Variants in SLC6A12 observed in about 807,000 individuals in gnomAD.
The protein encoded by SLC6A12 is solute carrier family 6 member 12.
SLC6A12 carries 50 observed loss-of-function variants against 73.3 expected under a neutral mutation model. That is an observed-to-expected ratio of 0.68 (90% CI 0.54 to 0.86). The LOEUF is 0.86. SLC6A12 is among the 40% of genes least tolerant of loss of function. SLC6A12 has a pLI of 0.00. For synonymous variants in SLC6A12, 304 were observed against 309.2 expected (o/e 0.98, Z 0.18); for missense variants, 648 against 772.8 (o/e 0.84, Z 1.92).
chr12:195,344 G>C lies in SLC6A12; in HGVS notation c.1327-17C>G. ...CATCCCGCCCTGTGGGGAGAGCGTGGAGCTGGGGCATGGCCAGTGCAGAGC... is the reference window on the plus strand; with the variant it reads ...CATCCCGCCCTGTGGGGAGAGCGTGCAGCTGGGGCATGGCCAGTGCAGAGC... On this transcript the variant is annotated splice_polypyrimidine_tract_variant and intron_variant, in intron 12 of 15. Transcript: ENST00000684302. 6.5e-7 allele frequency: 1 copy of C among 1,535,496 alleles called. No individual in the cohort carries two copies. The highest frequency in any genetic ancestry group is 9.0e-7 in the Non-Finnish European group (1 of 1,108,268).
chr12:195,079 C>T, intron 13 of SLC6A12, 146 bp downstream of exon 13: 1 of 658,740 alleles, frequency 1.5e-6, no homozygotes, highest in Non-Finnish European at 2.8e-6. Context: ...GGGTAAATTT[C>T]CCAGTAAGAA....
intron 5 of SLC6A12, among the ~76,000 whole-genome samples, chr12:202,356 C>A (rs1459845876): frequency 6.6e-6 from 1 of 152,178 alleles, no homozygotes; most frequent in East Asian, 1.9e-4. Context: ...TTTGTCTGTT[C>A]TTACCACCAG....
chr12:192,403 G>T, intron 15 of SLC6A12, 75 bp downstream of exon 15: 1 of 1,351,008 alleles, frequency 7.4e-7, no homozygotes, highest in Non-Finnish European at 1.0e-6. Flanking sequence ...CCTGGCCCCA[G>T]TTGTGTGTCC....
At chr12:197,294 G>T in intron 10 of SLC6A12, 83 bp downstream of exon 10, 1 of 1,452,066 alleles carries the variant, frequency 6.9e-7, no homozygotes. Flanking sequence ...CCCATCTTCT[G>T]GGACTCATGC....
chr12:201,634 G>A, intron 6 of SLC6A12, 128 bp downstream of exon 6: 1 of 717,484 alleles, frequency 1.4e-6, no homozygotes, highest in Non-Finnish European at 2.5e-6. Flanking sequence ...TGGGGTTGGA[G>A]TGGGGCGGGG....
At chr12:196,074 G>A (rs1319184238) in intron 12 of SLC6A12, 50 bp downstream of exon 12, 18 of 1,530,432 alleles carry the variant, frequency 1.2e-5, no homozygotes, top group African/African-American at 4.1e-5. Context: ...AGTGTCCCCC[G>A]TGGCTCCCTC....
Position 195,307 on chromosome 12 carries a change from C to T in SLC6A12, c.1347G>A (p.Gln449=). The change falls in exon 13 of 16, where the codon CAG becomes CAA. Residue 449 remains glutamine (Q), a synonymous_variant. Coordinates refer to ENST00000684302, the MANE Select transcript of SLC6A12 (RefSeq NM_001122848.3). ...LVTEGGMYIF[Q]LFDYYASSGI... ...CACTGGAAGCATAGTAGTCAAACAG[C>T]TGGAAGATGTACATCCCGCCCTGTG... 1.2e-6 allele frequency: 2 copies of T among 1,612,618 alleles called. No homozygotes were observed. Among genetic ancestry groups the T allele is most frequent in the Non-Finnish European group, 8.5e-7 (1 of 1,178,544 alleles).
At chr12:210,323 T>C (rs1300902650) in intron 2 of SLC6A12, 1 of 1,195,754 alleles carries the variant, frequency 8.4e-7, no homozygotes, top group South Asian at 1.7e-5. Context: ...TTCATTTTCA[T>C]GTCCCTTTTT....
intron 14 of SLC6A12, among the ~76,000 whole-genome samples, chr12:192,875 T>C (rs1446226196): frequency 7.0e-6 from 1 of 142,036 alleles, no homozygotes; most frequent in Admixed American, 7.2e-5. Flanking sequence ...ATCATTCACA[T>C]CACAGACGGA....
At chr12:206,529 A>G (rs1222481798) in intron 3 of SLC6A12, among the ~76,000 whole-genome samples, 1 of 152,218 alleles carries the variant, frequency 6.6e-6, no homozygotes, top group African/African-American at 2.4e-5. Flanking sequence ...CATTTTTTAA[A>G]TACGCATTTC....
At position 190,961 on chromosome 12, in the gene SLC6A12, CCAG is replaced by C; in HGVS notation, c.*104_*106del. 2 of 1,025,136 alleles carry C rather than the reference CCAG, an allele frequency of 2.0e-6. No homozygotes were observed. The highest frequency in any genetic ancestry group is 2.5e-6 in the Non-Finnish European group (2 of 793,668). 63.5% of individuals were successfully genotyped at this position (1,025,136 alleles called of 1,614,324 possible). A position where few individuals can be genotyped will look rare whatever the true frequency, so the allele number is the denominator to read the frequency against. On this transcript the variant is annotated 3_prime_UTR_variant, in exon 16 of 16. Transcript: ENST00000684302. Reference sequence around the variant, plus strand: ...GGTGCCTGTGGCTCTCCAGAGGTTCCCAGCAGGATTGTGGCAGGAGACAGAGGC... The same window carrying C: ...GGTGCCTGTGGCTCTCCAGAGGTTCCCAGGATTGTGGCAGGAGACAGAGGC...
downstream of SLC6A12, among the ~76,000 whole-genome samples, chr12:189,746 G>C (rs954224989): frequency 1.2e-4 from 18 of 152,180 alleles, 1 homozygote; most frequent in Admixed American, 9.2e-4. Context: ...CACAGAAGAG[G>C]CATGTGGGAC....
rs545840857 is a variant in SLC6A12 at position 200,291 on chromosome 12, G to T, written c.711+360C>A. 7.3e-4 allele frequency among the ~76,000 whole-genome samples: 111 copies of T among 151,052 alleles called. 1 individual carries two copies. Among genetic ancestry groups the T allele is most frequent in the Non-Finnish European group, 4.0e-4 (27 of 67,878 alleles). On this transcript the variant is annotated intron_variant, in intron 7 of 15. Transcript: ENST00000684302. ...GCCCGGCTAATTTTTTGTATTTTTA[G>T]TAGAGACGGGGTTTTACCGTGTTAG...
chr12:204,295 G>T, intron 4 of SLC6A12: 1 of 439,430 alleles, frequency 2.3e-6, no homozygotes, highest in East Asian at 4.0e-5. Flanking sequence ...CCCCTGCAGG[G>T]GTCCCATGGT....
intron 13 of SLC6A12, among the ~76,000 whole-genome samples, chr12:194,605 G>T (rs1939775617): frequency 6.6e-6 from 1 of 152,244 alleles, no homozygotes; most frequent in East Asian, 1.9e-4. Flanking sequence ...TCATGCATTG[G>T]CTCAGTGAAT....
chr12:197,142 C>CATCTATCCATCT lies in SLC6A12; in HGVS notation c.1075+234_1075+235insAGATGGATAGAT, dbSNP rs796565789. 7.6e-4 allele frequency among the ~76,000 whole-genome samples: 72 copies of CATCTATCCATCT among 94,832 alleles called. 1 individual carries two copies. Among genetic ancestry groups the CATCTATCCATCT allele is most frequent in the East Asian group, 2.0e-3 (6 of 2,980 alleles). The allele number at this position is 94,832 out of a possible 152,430, so 62.2% of individuals were successfully genotyped here. A position where few individuals can be genotyped will look rare whatever the true frequency, so the allele number is the denominator to read the frequency against. Reference sequence around the variant, plus strand: ...CCATCCATCCATCCATCCATCCATCCATCCATCCATCCATCCATCCATCCA... The same window carrying CATCTATCCATCT: ...CCATCCATCCATCCATCCATCCATCCATCTATCCATCTATCCATCCATCCATCCATCCATCCA... On this transcript the variant is annotated intron_variant, in intron 10 of 15. Transcript: ENST00000684302.
chr12:198,225 G>A lies in SLC6A12; in HGVS notation c.847-222C>T, dbSNP rs1940026271. Among the ~76,000 whole-genome samples, 1 of 152,214 alleles carries A rather than the reference G, an allele frequency of 6.6e-6. No homozygotes were observed. The highest frequency in any genetic ancestry group is 6.5e-5 in the Admixed American group (1 of 15,280). Reference sequence around the variant, plus strand: ...CGGTTTGGTTCTGTAGGCACTTAGTGAGTACCAAATACATGTGTGTTGCTT... The same window carrying A: ...CGGTTTGGTTCTGTAGGCACTTAGTAAGTACCAAATACATGTGTGTTGCTT... On this transcript the variant is annotated intron_variant, in intron 8 of 15. Transcript: ENST00000684302. The surrounding 1 kb of genome is among the most constrained non-coding windows in gnomAD (Gnocchi z 4.0).
chr12:206,575 T>C (rs980355412), intron 3 of SLC6A12, among the ~76,000 whole-genome samples: 1 of 152,278 alleles, frequency 6.6e-6, no homozygotes, highest in Non-Finnish European at 1.5e-5. Context: ...CCAATCTGCA[T>C]TCCTGACAGC....
At chr12:192,237 C>T (rs999870413) in intron 15 of SLC6A12, among the ~76,000 whole-genome samples, 3 of 152,202 alleles carry the variant, frequency 2.0e-5, no homozygotes, top group Non-Finnish European at 4.4e-5. Flanking sequence ...CGTTAGCCTG[C>T]CCAGATCATC....
Sources: allele counts gnomAD v4.1 joint callset (sites outside exome capture counted in the v4.1 genomes callset), GRCh38; gene constraint gnomAD v4.1.1; non-coding constraint Gnocchi (gnomAD v3.1); transcripts MANE v1.5; gene names NCBI Gene and HGNC (gene_info 2026-07-23, HGNC 2026-07-21).